The following DENND2B variants were observed in gnomAD, a reference collection of about 807,000 sequenced individuals.
DENND2B encodes the protein DENN domain-containing protein 2B.
In DENND2B, 32 loss-of-function variants were observed where a neutral mutation model predicts 116.0. The observed-to-expected ratio is 0.28, with a 90% CI of 0.21 to 0.37. The LOEUF is 0.37. DENND2B is among the 10% of genes least tolerant of loss of function. The probability of loss-of-function intolerance (pLI) is 1.00; values close to 1 mark genes in which losing one functional copy is unlikely to be tolerated. For synonymous variants in DENND2B, 588 were observed against 583.9 expected, an observed-to-expected ratio of 1.01 and a Z score of -0.10; for missense variants, 1,276 against 1,477.7, an observed-to-expected ratio of 0.86 and a Z score of 2.24.
rs1555224315 is a variant in DENND2B at position 8,910,946 on chromosome 11, A to ACCCCCGACCCCCGG, written c.-382_-381insCCGGGGGTCGGGGG. ...CTCAGCCCCCAGCCCCCGACCCCCG[A>ACCCCCGACCCCCGG]CCCCCGGCCCCCGACCCCCGACCCC... is the stretch of plus-strand genomic sequence containing the variant. On this transcript the variant is annotated 5_prime_UTR_variant, in exon 1 of 23. Transcript: ENST00000534127. The ACCCCCGACCCCCGG allele has an allele frequency of 7.1e-3, 121 of 17,006 alleles. 1 individual carries two copies. The highest frequency in any genetic ancestry group is 0.014 in the African/African-American group (116 of 8,430). The allele number at this position is 17,006 out of a possible 1,614,324, so 1.1% of individuals were successfully genotyped here. A position where few individuals can be genotyped will look rare whatever the true frequency, so the allele number is the denominator to read the frequency against.
chr11:8,695,546 A>T lies in DENND2B; in HGVS notation c.3296T>A (p.Leu1099His). The part of the protein sequence containing the change: ...RELRKCRAKG[L>H]FEQRVEQYLE... ...GTACTGCTCCACTCGCTGCTCAAAA[A>T]GGCCTGGGTAAAAGAAACAGGCACA... The change falls in exon 19 of 20, where the codon CTT (leucine) becomes CAT (histidine). Residue 1099 changes from leucine (L) to histidine (H), a missense_variant. Physicochemically the swap from Leu to His is moderately conservative, Grantham distance 99 (BLOSUM62 -3). Coordinates refer to ENST00000313726, the MANE Select transcript of DENND2B (RefSeq NM_213618.2). 6.2e-7 allele frequency: 1 copy of T among 1,613,892 alleles called. No homozygotes were observed. Among genetic ancestry groups the T allele is most frequent in the Non-Finnish European group, 8.5e-7 (1 of 1,179,980 alleles).
At chr11:8,861,651 C>G (rs1321445300) in intron 2 of DENND2B, among the ~76,000 whole-genome samples, 1 of 152,172 alleles carries the variant, frequency 6.6e-6, no homozygotes, top group Non-Finnish European at 1.5e-5. Flanking sequence ...AAAAATAGAT[C>G]TACCATTCAA....
chr11:8,749,716 C>T, intron 2 of DENND2B, among the ~76,000 whole-genome samples: 1 of 152,214 alleles, frequency 6.6e-6, no homozygotes, highest in East Asian at 1.9e-4. Context: ...TAGCCCTATC[C>T]AAACCAAAGC....
intron 1 of DENND2B, among the ~76,000 whole-genome samples, chr11:8,794,515 T>G (rs1435905800): frequency 6.6e-6 from 1 of 152,114 alleles, no homozygotes; most frequent in African/African-American, 2.4e-5. Flanking sequence ...TGTACTGAAC[T>G]AATGAAGGAA....
At position 8,711,728 on chromosome 11, in the gene DENND2B, G is replaced by A. The variant is rs902545233; in HGVS notation, c.2173-497C>T. Among the ~76,000 whole-genome samples the A allele has an allele frequency of 2.6e-5, 4 of 152,146 alleles. No individual in the cohort carries two copies. The East Asian group carries it at 5.8e-4, about 22-fold the overall frequency. ...ACTAAAAATACAAAATTAGCCAGGA[G>A]TGGTGGCGCATGCCTGTAATCCCAG... On this transcript the variant is annotated intron_variant, in intron 9 of 19. Transcript: ENST00000313726.
chr11:8,752,018 T>C (rs950972657), intron 1 of DENND2B, among the ~76,000 whole-genome samples: 1 of 152,218 alleles, frequency 6.6e-6, no homozygotes, highest in South Asian at 2.1e-4. Context: ...TGAAGAGTAA[T>C]ACAAAGTCTC....
intron 2 of DENND2B, among the ~76,000 whole-genome samples, chr11:8,869,647 C>G (rs373864000): frequency 5.3e-5 from 8 of 150,936 alleles, no homozygotes; most frequent in African/African-American, 2.0e-4. Flanking sequence ...CAGAGAGAGA[C>G]TCCGTCTCGA....
intron 3 of DENND2B, among the ~76,000 whole-genome samples, chr11:8,851,165 A>G (rs2062993324): frequency 6.6e-6 from 1 of 152,118 alleles, no homozygotes; most frequent in African/African-American, 2.4e-5. Context: ...AAAATTACTA[A>G]TAGTGTAGAT....
chr11:8,754,308 C>A (rs1266596007), intron 1 of DENND2B, among the ~76,000 whole-genome samples: 3 of 152,138 alleles, frequency 2.0e-5, no homozygotes, highest in African/African-American at 7.2e-5. Context: ...GGCCAATAAG[C>A]ATACGAAACA....
At chr11:8,742,191 C>T (rs532597976) in intron 2 of DENND2B, among the ~76,000 whole-genome samples, 2 of 152,208 alleles carry the variant, frequency 1.3e-5, no homozygotes, top group African/African-American at 2.4e-5. Flanking sequence ...TGAGCCACTG[C>T]GCCCAGCCAG....
At chr11:8,722,355 C>T (rs1226133276) in intron 4 of DENND2B, among the ~76,000 whole-genome samples, 2 of 152,178 alleles carry the variant, frequency 1.3e-5, no homozygotes, top group Non-Finnish European at 2.9e-5. Context: ...GAGATGAGCA[C>T]TAGGCTCTCT....
chr11:8,737,518 C>G (rs142751514), intron 2 of DENND2B, among the ~76,000 whole-genome samples: 1 of 151,832 alleles, frequency 6.6e-6, no homozygotes, highest in Non-Finnish European at 1.5e-5. Flanking sequence ...AAGGGAAGCA[C>G]GACTGGAAAA....
intron 1 of DENND2B, chr11:8,871,263 CA>C (rs948908232): frequency 2.1e-5 from 2 of 96,600 alleles, no homozygotes; most frequent in African/African-American, 8.1e-5. Context: ...GGGTGGGGGA[CA>C]GGGGTGAGGG....
intron 1 of DENND2B, among the ~76,000 whole-genome samples, chr11:8,909,012 G>T (rs932098439): frequency 6.6e-6 from 1 of 152,012 alleles, no homozygotes; most frequent in Non-Finnish European, 1.5e-5. Flanking sequence ...TCCTTACTGT[G>T]ACAGACAAAA....
chr11:8,765,958 G>T (rs1316387804), intron 1 of DENND2B, among the ~76,000 whole-genome samples: 1 of 152,164 alleles, frequency 6.6e-6, no homozygotes, highest in Non-Finnish European at 1.5e-5. Context: ...AGGATCACTT[G>T]AACCTGGGAG....
intron 1 of DENND2B, among the ~76,000 whole-genome samples, chr11:8,891,378 T>C (rs1180792937): frequency 2.6e-5 from 4 of 152,156 alleles, no homozygotes; most frequent in Admixed American, 2.6e-4. Flanking sequence ...AGGATCAAAT[T>C]CACACATAAC....
chr11:8,838,086 C>A (rs757574239), intron 4 of DENND2B, among the ~76,000 whole-genome samples: 3 of 152,176 alleles, frequency 2.0e-5, no homozygotes, highest in Non-Finnish European at 4.4e-5. Flanking sequence ...GTTTTTCTTA[C>A]CACGTTTTAT....
At chr11:8,903,934 G>A (rs994275656) in intron 1 of DENND2B, among the ~76,000 whole-genome samples, 55 of 136,022 alleles carry the variant, frequency 4.0e-4, no homozygotes, top group Non-Finnish European at 7.3e-4. Flanking sequence ...AATATAAGTA[G>A]ACCTAAAACA....
chr11:8,709,818 G>A (rs1018753488), intron 11 of DENND2B, among the ~76,000 whole-genome samples: 1 of 152,142 alleles, frequency 6.6e-6, no homozygotes, highest in Non-Finnish European at 1.5e-5. Context: ...CATCTAGCTT[G>A]GAATGTGACA....
Sources: gnomAD v4.1 joint callset for allele counts (sites outside exome capture counted in the v4.1 genomes callset) on GRCh38, gnomAD v4.1.1 for gene constraint, MANE v1.5 for transcripts, NCBI Gene and HGNC (gene_info 2026-07-23, HGNC 2026-07-21) for gene names.